Variants in KMT2C observed in about 807,000 individuals in gnomAD.
KMT2C encodes histone-lysine N-methyltransferase 2C.
A neutral mutation model predicts 507.9 loss-of-function variants in KMT2C; 88 were observed. The ratio of observed to expected loss-of-function variants is 0.17; its 90% CI spans 0.15 to 0.21. The LOEUF is 0.21. Among genes scored for constraint, KMT2C ranks in the 10% least tolerant of loss-of-function variants. The pLI is 1.00. For missense variants in KMT2C, 4,954 were observed against 5,957.8 expected, an observed-to-expected ratio of 0.83 and a Z score of 5.55; for synonymous variants, 2,049 against 2,080.8, an observed-to-expected ratio of 0.98 and a Z score of 0.42.
At chr7:152,188,605 CTTT>C (rs1217052972) in intron 31 of KMT2C, among the ~76,000 whole-genome samples, 1 of 96,762 alleles carries the variant, frequency 1.0e-5, no homozygotes, top group South Asian at 3.3e-4. Flanking sequence ...TGATTCTTTC[CTTT>C]TTTTTTTTTT....
intron 42 of KMT2C, 65 bp downstream of exon 42, chr7:152,167,081 C>T: frequency 2.3e-6 from 3 of 1,331,420 alleles, no homozygotes; most frequent in Admixed American, 1.8e-5. Flanking sequence ...CACTAATGAA[C>T]AACACACCAA....
chr7:152,426,606 C>T (rs998194707), intron 1 of KMT2C, among the ~76,000 whole-genome samples: 2 of 152,056 alleles, frequency 1.3e-5, no homozygotes, highest in African/African-American at 4.8e-5. Flanking sequence ...TTATAACAGG[C>T]AACTGATTGA....
At chr7:152,307,196 AGG>A (rs2096623418) in intron 6 of KMT2C, among the ~76,000 whole-genome samples, 3 of 11,354 alleles carry the variant, frequency 2.6e-4, no homozygotes, top group Non-Finnish European at 3.6e-4. Context: ...AAGAAGAGGG[AGG>A]AAGGAAGGAA....
intron 6 of KMT2C, among the ~76,000 whole-genome samples, chr7:152,277,158 T>C (rs2129179601): frequency 1.3e-5 from 2 of 152,376 alleles, no homozygotes; most frequent in African/African-American, 2.4e-5. Flanking sequence ...TTATCCAGTA[T>C]TTATTCTGTA....
At chr7:152,363,985 T>C (rs1429651668) in intron 1 of KMT2C, among the ~76,000 whole-genome samples, 2 of 152,202 alleles carry the variant, frequency 1.3e-5, no homozygotes, top group African/African-American at 4.8e-5. Flanking sequence ...TCAATGACTA[T>C]GTAACACATT....
At chr7:152,208,709 AGTT>A (rs2094372930) in intron 23 of KMT2C, among the ~76,000 whole-genome samples, 1 of 152,258 alleles carries the variant, frequency 6.6e-6, no homozygotes, top group South Asian at 2.1e-4. Flanking sequence ...TTTAAAATCA[AGTT>A]GTTAACTCCT....
In KMT2C at chr7:152,220,009, G is replaced by GA. The variant is rs879271935; in HGVS notation, c.3712+513dup. On this transcript the variant is annotated intron_variant, in intron 23 of 58. Coordinates refer to ENST00000262189, the MANE Select transcript of KMT2C (RefSeq NM_170606.3). ...CAGAGCAAGACCCTGTCTCCCAACT[G>GA]AAAAAAAAAAAAAGAATTCAGCTAG... 8.3e-3 allele frequency: 1,074 copies of GA among 129,018 alleles called. 5 individuals carry two copies. The highest frequency in any genetic ancestry group is 0.02 in the Middle Eastern group (5 of 244). The allele number at this position is 129,018 out of a possible 1,614,324, so 8.0% of individuals were successfully genotyped here. A position where few individuals can be genotyped will look rare whatever the true frequency, so the allele number is the denominator to read the frequency against.
At position 152,220,819 on chromosome 7, in the gene KMT2C, G is replaced by A; in HGVS notation, c.3500-84C>T. 7.1e-6 allele frequency: 7 copies of A among 985,928 alleles called. No homozygotes were observed. In the South Asian group the frequency reaches 1.0e-4, roughly 14 times the overall value. 61.1% of individuals were successfully genotyped at this position (985,928 alleles called of 1,614,324 possible). A position where few individuals can be genotyped will look rare whatever the true frequency, so the allele number is the denominator to read the frequency against. ...TACTGTTCCAAAATACCCATGTCAA[G>A]GGAATGTGACTGTAGTTCTAGAAAG... is the stretch of plus-strand genomic sequence containing the variant. On this transcript the variant is annotated intron_variant, in intron 22 of 58. Transcript: ENST00000262189.
chr7:152,329,237 A>G (rs887401987), intron 3 of KMT2C, among the ~76,000 whole-genome samples: 1 of 152,112 alleles, frequency 6.6e-6, no homozygotes, highest in East Asian at 1.9e-4. Context: ...GAGGAGTGAG[A>G]TGTCCCAAAA....
At chr7:152,285,803 G>A (rs1174760788) in intron 6 of KMT2C, among the ~76,000 whole-genome samples, 1 of 152,166 alleles carries the variant, frequency 6.6e-6, no homozygotes, top group Admixed American at 6.5e-5. Context: ...TAGCCAACAT[G>A]GCGAAACCCC....
intron 6 of KMT2C, among the ~76,000 whole-genome samples, chr7:152,289,236 C>A (rs1422966413): frequency 6.6e-6 from 1 of 152,154 alleles, no homozygotes; most frequent in Non-Finnish European, 1.5e-5. Context: ...TGATGCATTT[C>A]CAAAACTGAA....
At chr7:152,248,689 T>C (rs2095515846) in intron 13 of KMT2C, 69 bp from the exon 14 acceptor site, 2 of 940,242 alleles carry the variant, frequency 2.1e-6, no homozygotes, top group Admixed American at 5.4e-5. Flanking sequence ...TATAGATATA[T>C]AAAACATTTG....
chr7:152,361,372 A>G (rs952336261), intron 1 of KMT2C, among the ~76,000 whole-genome samples: 9 of 152,156 alleles, frequency 5.9e-5, no homozygotes, highest in Admixed American at 5.2e-4. Context: ...CATCCTGGCT[A>G]ACACGGTGAA....
chr7:152,252,159 T>C (rs1367298901), intron 10 of KMT2C, 69 bp from the exon 11 acceptor site: 3 of 1,149,592 alleles, frequency 2.6e-6, no homozygotes, highest in East Asian at 2.5e-5. Context: ...AGAGAAGGCA[T>C]TGCTGAAAAG....
chr7:152,414,558 A>G (rs531676055), intron 1 of KMT2C, among the ~76,000 whole-genome samples: 1 of 152,314 alleles, frequency 6.6e-6, no homozygotes, highest in South Asian at 2.1e-4. Context: ...CAGAGTTGCC[A>G]ATGTGAAAAC....
chr7:152,391,056 A>C, intron 1 of KMT2C, among the ~76,000 whole-genome samples: 1 of 135,764 alleles, frequency 7.4e-6, no homozygotes, highest in African/African-American at 2.7e-5. Context: ...GAGGCAGAGA[A>C]CTGCTTGAAC....
chr7:152,182,057 G>A lies in KMT2C; in HGVS notation c.5803C>T (p.Pro1935Ser). The A allele has an allele frequency of 1.2e-6, 2 of 1,614,158 alleles. No homozygotes were observed. Among genetic ancestry groups the A allele is most frequent in the Non-Finnish European group, 1.7e-6 (2 of 1,180,026 alleles). The change falls in exon 36 of 59, where the codon CCC becomes TCC. Residue 1935 changes from proline (P) to serine (S), a missense_variant. By Grantham distance (74) the Pro-to-Ser change is moderately conservative. Transcript: ENST00000262189. ...GCTGTTGTCTCATTCATTTGAAGGG[G>A]CCTAGATACCGATGATAAAGGTGTA... ...NCTPLSSVSR[P>S]LQMNETTANR...
intron 9 of KMT2C, among the ~76,000 whole-genome samples, chr7:152,261,064 C>A (rs1436503507): frequency 6.6e-6 from 1 of 152,300 alleles, no homozygotes; most frequent in Non-Finnish European, 1.5e-5. Context: ...TCAATTACAA[C>A]CATCAATCCA....
chr7:152,157,701 A>G, intron 44 of KMT2C: 1 of 1,019,336 alleles, frequency 9.8e-7, no homozygotes, highest in Middle Eastern at 2.6e-4. Flanking sequence ...GACAAGCTCT[A>G]TCAATTCTGA....
Sources: allele counts gnomAD v4.1 joint callset (sites outside exome capture counted in the v4.1 genomes callset), GRCh38; gene constraint gnomAD v4.1.1; transcripts MANE v1.5; gene names NCBI Gene and HGNC (gene_info 2026-07-23, HGNC 2026-07-21).